Variants in HFM1 observed in about 807,000 individuals in gnomAD.
The protein encoded by HFM1 is probable ATP-dependent DNA helicase HFM1.
HFM1 carries 169 observed loss-of-function variants against 192.1 expected under a neutral mutation model. That is an observed-to-expected ratio of 0.88 (90% CI 0.78 to 1.00). HFM1 has a LOEUF of 1.00. Ranked by LOEUF, HFM1 falls within the 50% of genes least tolerant of loss-of-function variation. HFM1 has a pLI of 0.00. For synonymous variants in HFM1, 525 were observed against 537.8 expected, an observed-to-expected ratio of 0.98 and a Z score of 0.33; for missense variants, 1,661 against 1,668.0, an observed-to-expected ratio of 1.00 and a Z score of 0.07.
At chr1:91,386,065 GC>G (rs1295294266) in intron 4 of HFM1, among the ~76,000 whole-genome samples, 59 of 152,110 alleles carry the variant, frequency 3.9e-4, no homozygotes, top group Non-Finnish European at 3.5e-4. Flanking sequence ...CTCCAAAACA[GC>G]CCAATGATCC....
At chr1:91,395,703 A>T (rs1663573809) in intron 3 of HFM1, among the ~76,000 whole-genome samples, 2 of 152,146 alleles carry the variant, frequency 1.3e-5, no homozygotes, top group African/African-American at 4.8e-5. Context: ...CATAACGAGT[A>T]TACATATTTT....
At chr1:91,395,678 A>G (rs922318004) in intron 3 of HFM1, among the ~76,000 whole-genome samples, 4 of 152,098 alleles carry the variant, frequency 2.6e-5, no homozygotes, top group African/African-American at 9.7e-5. Context: ...AAAATAAAGA[A>G]ATTTTAATTG....
chr1:91,376,936 G>T (rs1660975800), intron 11 of HFM1, among the ~76,000 whole-genome samples: 1 of 151,556 alleles, frequency 6.6e-6, no homozygotes, highest in African/African-American at 2.4e-5. Context: ...AATAATCATG[G>T]ATGTTTCAGA....
intron 30 of HFM1, among the ~76,000 whole-genome samples, chr1:91,298,587 T>G (rs953329911): frequency 2.0e-5 from 3 of 152,194 alleles, no homozygotes; most frequent in African/African-American, 7.2e-5. Context: ...ACAGCTGATC[T>G]CTTGGCAGAA....
chr1:91,385,896 A>C, intron 4 of HFM1, 62 bp from the exon 5 acceptor site: 1 of 1,411,456 alleles, frequency 7.1e-7, no homozygotes, highest in Non-Finnish European at 9.7e-7. Context: ...GAATATGAAA[A>C]ACTAGCATAA....
At chr1:91,393,640 C>T (rs1179350563) in intron 4 of HFM1, among the ~76,000 whole-genome samples, 1 of 152,110 alleles carries the variant, frequency 6.6e-6, no homozygotes, top group Admixed American at 6.6e-5. Flanking sequence ...CATTTTCTCC[C>T]ATCTAGACTA....
At chr1:91,308,247 T>C (rs553841415) in intron 30 of HFM1, among the ~76,000 whole-genome samples, 1 of 152,310 alleles carries the variant, frequency 6.6e-6, no homozygotes, top group Non-Finnish European at 1.5e-5. Context: ...GACCTTTTTT[T>C]GAGTATTATA....
At chr1:91,329,396 G>C in intron 20 of HFM1, 1 of 1,582,662 alleles carries the variant, frequency 6.3e-7, no homozygotes, top group Non-Finnish European at 8.6e-7. Flanking sequence ...AGGGCCGCCT[G>C]GATGATTTCT....
chr1:91,315,440 T>C (rs1162580264), intron 28 of HFM1, among the ~76,000 whole-genome samples: 1 of 152,206 alleles, frequency 6.6e-6, no homozygotes, highest in East Asian at 1.9e-4. Flanking sequence ...TGTTAGATTT[T>C]AATTTGGAAG....
chr1:91,316,133 A>C lies in HFM1; in HGVS notation c.2950T>G (p.Tyr984Asp). The C allele has an allele frequency of 3.8e-6, 6 of 1,593,490 alleles. No individual in the cohort carries two copies. The highest frequency in any genetic ancestry group is 5.1e-6 in the Non-Finnish European group (6 of 1,165,818). The change falls in exon 27 of 39, where the codon TAT becomes GAT. Residue 984 changes from tyrosine to aspartate, a missense_variant. By Grantham distance (160) the Tyr-to-Asp change is radical. Coordinates refer to ENST00000370425, the MANE Select transcript of HFM1 (RefSeq NM_001017975.6). ...FGTQIKETVM[Y>D]LPKYELKVEQ... ...ACTTTAAGTTCATATTTTGGTAGAT[A>C]CATCACAGTTTCTTTTATCTGGGTT...
rs1370689478 is a variant in HFM1 at position 91,328,746 on chromosome 1, T to C, written c.2336-3980A>G. 1.6e-5 allele frequency: 25 copies of C among 1,610,136 alleles called. No individual in the cohort carries two copies. In the Admixed American group the frequency reaches 3.7e-4, roughly 24 times the overall value. The stretch of plus-strand genomic sequence containing the variant: ...GCTCAGGCTGCTGGGGCCGAGCAGG[T>C]GGTGGAAAAATTCACTAAGTGGCTG... On this transcript the variant is annotated intron_variant, in intron 20 of 38. Transcript: ENST00000370425.
rs1244050922 is a variant in HFM1 at position 91,319,313 on chromosome 1, T to C, written c.2660A>G (p.His887Arg). 5 of 1,610,738 alleles carry C rather than the reference T, an allele frequency of 3.1e-6. No homozygotes were observed. In the South Asian group the frequency reaches 4.4e-5, roughly 14 times the overall value. The change falls in exon 24 of 39, where the codon CAT becomes CGT. Residue 887 changes from histidine (H) to arginine (R), a missense_variant. By Grantham distance (29) the His-to-Arg change is conservative (BLOSUM62 0). Transcript: ENST00000370425. Reference protein sequence around the residue: ...LTQDTAKIFRHGSRITRWLSD... With the variant: ...LTQDTAKIFRRGSRITRWLSD... ...CATACATCTTGTAATTCGGGAGCCA[T>C]GTCTGAAAATCTTTGCGGTATCTTG...
At chr1:91,383,326 A>G (rs535974066) in intron 6 of HFM1, among the ~76,000 whole-genome samples, 7 of 152,320 alleles carry the variant, frequency 4.6e-5, no homozygotes, top group African/African-American at 1.7e-4. Flanking sequence ...CATCTTTAAC[A>G]GCTTACTGCT....
At chr1:91,334,794 T>G (rs1053689258) in intron 20 of HFM1, among the ~76,000 whole-genome samples, 1 of 151,936 alleles carries the variant, frequency 6.6e-6, no homozygotes. Flanking sequence ...CTGGGCGTGG[T>G]GGCGGGCACC....
intron 6 of HFM1, among the ~76,000 whole-genome samples, chr1:91,382,356 T>C (rs1661652376): frequency 6.6e-6 from 1 of 152,114 alleles, no homozygotes; most frequent in Admixed American, 6.6e-5. Context: ...GTTATTATAG[T>C]TGTTGAGATC....
chr1:91,311,444 G>A (rs1219254775), intron 30 of HFM1, among the ~76,000 whole-genome samples: 2 of 151,962 alleles, frequency 1.3e-5, no homozygotes, highest in East Asian at 3.9e-4. Flanking sequence ...TGACCAATAT[G>A]GTGAAACCCT....
In HFM1 at chr1:91,375,526, C is replaced by T. The variant is rs768111433; in HGVS notation, c.1596+1G>A. 5 of 1,612,320 alleles carry T rather than the reference C, an allele frequency of 3.1e-6. No individual in the cohort carries two copies. The South Asian group carries it at 4.4e-5, about 14-fold the overall frequency. ...AAAAATAAGCTATCAACAATCCATACCACAAGTGTGGGTTTCTGATCAGAG... is the reference window on the plus strand; with the variant it reads ...AAAAATAAGCTATCAACAATCCATATCACAAGTGTGGGTTTCTGATCAGAG... On this transcript the variant is annotated splice_donor_variant, in intron 12 of 38. Coordinates refer to ENST00000370425, the MANE Select transcript of HFM1 (RefSeq NM_001017975.6). LOFTEE classifies it high-confidence loss of function.
intron 13 of HFM1, among the ~76,000 whole-genome samples, chr1:91,363,155 A>G (rs1380653770): frequency 1.3e-5 from 2 of 152,182 alleles, no homozygotes; most frequent in Admixed American, 6.5e-5. Context: ...AGCAATTACA[A>G]CAAAAGCAAA....
At chr1:91,267,953 A>G (rs1665923499) in intron 34 of HFM1, 98 bp from the exon 35 acceptor site, 3 of 687,940 alleles carry the variant, frequency 4.4e-6, no homozygotes, top group Non-Finnish European at 7.4e-6. Context: ...AGACTTTCTC[A>G]TTTGAAGTTG....
Sources: allele counts gnomAD v4.1 joint callset (sites outside exome capture counted in the v4.1 genomes callset), GRCh38; gene constraint gnomAD v4.1.1; transcripts MANE v1.5; gene names NCBI Gene and HGNC (gene_info 2026-07-23, HGNC 2026-07-21).